The following CNTROB variants were observed in gnomAD, a reference collection of about 807,000 sequenced individuals.
CNTROB encodes the protein centrobin.
CNTROB carries 82 observed loss-of-function variants against 115.7 expected under a neutral mutation model. The ratio of observed to expected loss-of-function variants is 0.71; its 90% confidence interval spans 0.59 to 0.85. The LOEUF is 0.85. Ranked by LOEUF, CNTROB falls within the 40% of genes least tolerant of loss-of-function variation. The pLI is 0.00. For synonymous variants in CNTROB, 439 were observed against 456.4 expected (o/e 0.96, Z 0.49); for missense variants, 1,014 against 1,144.4 (o/e 0.89, Z 1.64).
chr17:7,935,010 G>A lies in CNTROB; in HGVS notation c.459G>A (p.Leu153=). 6.2e-7 allele frequency: 1 copy of A among 1,605,740 alleles called. No individual in the cohort carries two copies. ...TCAGCACCCGGCCCCTGCAAGACTT[G>A]TCTCCATCTAGCTCAGCCCAAGCCC... The part of the protein sequence containing the change: ...TLLNTRPLQD[L]SPSSSAQALE... Residue 153 remains leucine (L), a synonymous_variant, in exon 4 of 19, where the codon TTG becomes TTA. Coordinates refer to ENST00000563694, the MANE Select transcript of CNTROB (RefSeq NM_053051.5).
chr17:7,943,545 G>T lies in CNTROB; in HGVS notation c.1445+21G>T. 6.2e-7 allele frequency: 1 copy of T among 1,602,034 alleles called. No homozygotes were observed. On this transcript the variant is annotated intron_variant, in intron 10 of 18. Coordinates refer to ENST00000563694, the MANE Select transcript of CNTROB (RefSeq NM_053051.5). The surrounding 1 kb of genome is among the most constrained non-coding windows in gnomAD (Gnocchi z 4.7). The stretch of plus-strand genomic sequence containing the variant: ...CACAGGTACGTGGGACTCACTGGGT[G>T]TCACTTCTCTCAGCCACAGCACGTA...
chr17:7,945,717 C>T lies in CNTROB; in HGVS notation c.1735-11C>T, dbSNP rs374416848. On this transcript the variant is annotated splice_polypyrimidine_tract_variant and intron_variant, in intron 12 of 18. Coordinates refer to ENST00000563694, the MANE Select transcript of CNTROB (RefSeq NM_053051.5). ...TGCTTTGACCCTTCTTTCTGCCTCT[C>T]TCCTGGTCAGGCTCCTCCTGCTGGA... 1 of 1,612,704 alleles carries T rather than the reference C, an allele frequency of 6.2e-7. No homozygotes were observed. The highest frequency in any genetic ancestry group is 1.1e-5 in the South Asian group (1 of 91,022).
Position 7,948,729 on chromosome 17 carries a change from G to A in CNTROB, c.2513+110G>A. 1.9e-6 allele frequency: 3 copies of A among 1,608,642 alleles called. No homozygotes were observed. The highest frequency in any genetic ancestry group is 2.6e-6 in the Non-Finnish European group (3 of 1,175,894). ...TGAATCGTTGTCCTTTTCTGGGGAG[G>A]AAAGTGAAGGATGAGAGGTGGATCC... On this transcript the variant is annotated intron_variant, in intron 17 of 18. Transcript: ENST00000563694. The surrounding 1 kb of genome is among the most constrained non-coding windows in gnomAD (Gnocchi z 4.4).
rs753613469 is a variant in CNTROB, at chr17:7,945,857, G to A, written c.1864G>A (p.Glu622Lys). 23 of 1,614,042 alleles carry A rather than the reference G, an allele frequency of 1.4e-5. No individual in the cohort carries two copies. In the East Asian group the frequency reaches 2.2e-4, roughly 16 times the overall value. ...GCAGCAGAGCCGGGAAGCAAGGGAC[G>A]AGCTACCTGGAGCGCCTCCTGTTCT... ...VLQQSREARD[E>K]LPGAPPVLCS... Residue 622 changes from glutamate (E) to lysine (K), a missense_variant, in exon 13 of 19, where the codon GAG becomes AAG. Transcript: ENST00000563694.
chr17:7,941,646 A>G (rs1276636247), intron 9 of CNTROB, among the ~76,000 whole-genome samples: 1 of 150,754 alleles, frequency 6.6e-6, no homozygotes, highest in Non-Finnish European at 1.5e-5. Context: ...AGGTGTTACA[A>G]TGAGATCACA....
rs766570927 is a variant in CNTROB, at chr17:7,949,086, A to T, written c.2515A>T (p.Thr839Ser). The change falls in exon 18 of 19, where the codon ACT becomes TCT. Residue 839 changes from threonine (T) to serine (S), a missense_variant and splice_region_variant. Transcript: ENST00000563694. ...TCATACCTTTGATTTGTGTAGCAGG[A>T]CTGATGGCCGAGGGGATAATGTCCC... ...LYLKRLEHSG[T>S]DGRGDNVPRR... The T allele has an allele frequency of 1.2e-6, 2 of 1,613,938 alleles. No individual in the cohort carries two copies. Among genetic ancestry groups the T allele is most frequent in the African/African-American group, 1.3e-5 (1 of 74,902 alleles).
At chr17:7,932,187 G>C, upstream of CNTROB, 1 of 308,826 alleles carries the variant, frequency 3.2e-6, no homozygotes, top group Non-Finnish European at 6.2e-6. Flanking sequence ...TCATCGAGGC[G>C]AGAGAGGCGG....
chr17:7,933,216 G>A lies in CNTROB; in HGVS notation c.137G>A (p.Arg46Gln). The A allele has an allele frequency of 1.2e-6, 2 of 1,614,196 alleles. No individual in the cohort carries two copies. The highest frequency in any genetic ancestry group is 2.2e-5 in the East Asian group (1 of 44,874). ...CTCTATGCTTCTTTGCGCCTCAGCC[G>A]GCAGGCGGAGGCCACGGCCCGAGCC... ...SQLYASLRLS[R>Q]QAEATARAQL... The change falls in exon 1 of 19, where the codon CGG (arginine) becomes CAG (glutamine). Residue 46 changes from arginine to glutamine, a missense_variant. By Grantham distance (43) the Arg-to-Gln change is conservative. Coordinates refer to ENST00000563694, the MANE Select transcript of CNTROB (RefSeq NM_053051.5).
Position 7,939,482 on chromosome 17 carries a change from TA to T in CNTROB, c.928-29del. 6.3e-7 allele frequency: 1 copy of T among 1,594,498 alleles called. No individual in the cohort carries two copies. The highest frequency in any genetic ancestry group is 8.6e-7 in the Non-Finnish European group (1 of 1,162,712). ...GATCGCTGGTCTCTGAAGAGCCTACTAAGGAGCTTGGTTTTCTTCTGCGGCT... is the reference window on the plus strand; with the variant it reads ...GATCGCTGGTCTCTGAAGAGCCTACTAGGAGCTTGGTTTTCTTCTGCGGCT... On this transcript the variant is annotated intron_variant, in intron 7 of 18. Coordinates refer to ENST00000563694, the MANE Select transcript of CNTROB (RefSeq NM_053051.5). This position sits in a 1 kb window ranked among gnomAD's most constrained non-coding sequence, Gnocchi z 4.4.
chr17:7,939,666 A>G lies in CNTROB; in HGVS notation c.1081A>G (p.Thr361Ala), dbSNP rs373273360. The G allele has an allele frequency of 3.1e-6, 5 of 1,613,974 alleles. No individual in the cohort carries two copies. The African/African-American group carries it at 6.7e-5, about 22-fold the overall frequency. Residue 361 changes from threonine to alanine, a missense_variant, in exon 8 of 19, where the codon ACC becomes GCC. Transcript: ENST00000563694. This position sits in a 1 kb window ranked among gnomAD's most constrained non-coding sequence, Gnocchi z 4.4. ...LRAALEEERQ[T>A]WAQQEHQLKE... ...GGCTGCCCTAGAAGAAGAACGGCAG[A>G]CCTGGGCCCAGCAAGAGCACCAGCT...
In CNTROB at chr17:7,932,321, TGGA is replaced by T; in HGVS notation, c.-758_-756del. ...CTTTGGCAAATTGGGGACTGAGGACTGGAAGGGTGGAGAGTAGGCGGAACCAGG... is the reference window on the plus strand; with the variant it reads ...CTTTGGCAAATTGGGGACTGAGGACTAGGGTGGAGAGTAGGCGGAACCAGG... On this transcript the variant is annotated 5_prime_UTR_variant, in exon 1 of 19. Coordinates refer to ENST00000563694, the MANE Select transcript of CNTROB (RefSeq NM_053051.5). 5.6e-6 allele frequency: 1 copy of T among 178,558 alleles called. No homozygotes were observed. Among genetic ancestry groups the T allele is most frequent in the Non-Finnish European group, 1.2e-5 (1 of 83,218 alleles). 11.1% of individuals were successfully genotyped at this position (178,558 alleles called of 1,614,324 possible). A position where few individuals can be genotyped will look rare whatever the true frequency, so the allele number is the denominator to read the frequency against.
At chr17:7,940,889 G>T (rs76327145) in intron 9 of CNTROB, among the ~76,000 whole-genome samples, 38 of 152,292 alleles carry the variant, frequency 2.5e-4, no homozygotes, top group Admixed American at 4.6e-4. Flanking sequence ...TAGCTTTGTG[G>T]GTTGTATGGT....
At position 7,933,116 on chromosome 17, in the gene CNTROB, G is replaced by C. The variant is rs749189728; in HGVS notation, c.37G>C (p.Gly13Arg). Residue 13 changes from glycine to arginine, a missense_variant, in exon 1 of 19, where the codon GGG becomes CGG. Physicochemically the swap from Gly to Arg is moderately radical, Grantham distance 125 (BLOSUM62 -2). Transcript: ENST00000563694. ...TSADSPSSPL[G>R]AEDLLSDSSE... ...AGCTGACAGCCCCAGTTCACCCCTC[G>C]GGGCGGAGGATCTCCTGAGTGATTC... 12 of 1,614,152 alleles carry C rather than the reference G, an allele frequency of 7.4e-6. No individual in the cohort carries two copies. The highest frequency in any genetic ancestry group is 1.0e-5 in the Non-Finnish European group (12 of 1,180,028).
Position 7,944,517 on chromosome 17 carries a change from G to A in CNTROB, c.1613G>A (p.Gly538Glu). The change falls in exon 12 of 19, where the codon GGG (glycine) becomes GAG (glutamate). Residue 538 changes from glycine (G) to glutamate (E), a missense_variant. By Grantham distance (98) the Gly-to-Glu change is moderately conservative. Transcript: ENST00000563694. The surrounding 1 kb of genome is among the most constrained non-coding windows in gnomAD (Gnocchi z 4.0). ...EQARVCELQS[G>E]NQQLEEQRVE... is the part of the protein sequence containing the mutation. ...GCGCGAGTGTGCGAACTGCAGAGTG[G>A]GAACCAGCAGCTGGAGGAGCAGCGG... is the stretch of plus-strand genomic sequence containing the variant. 6.2e-7 allele frequency: 1 copy of A among 1,614,116 alleles called. No homozygotes were observed. The highest frequency in any genetic ancestry group is 8.5e-7 in the Non-Finnish European group (1 of 1,180,020).
In CNTROB at chr17:7,947,658, A is replaced by G. The variant is rs139292572; in HGVS notation, c.2081A>G (p.Glu694Gly). The G allele has an allele frequency of 7.3e-4, 1,177 of 1,613,894 alleles. 3 individuals carry two copies. The highest frequency in any genetic ancestry group is 5.9e-3 in the Middle Eastern group (36 of 6,062). ...FPEEDPGPDG[E>G]GLLKQGLPPA... ...GAGGAAGATCCTGGACCTGACGGGG[A>G]GGGCCTCCTAAAGCAAGGGCTGCCG... The change falls in exon 14 of 19, where the codon GAG (glutamate) becomes GGG (glycine). Residue 694 changes from glutamate (E) to glycine (G), a missense_variant. Physicochemically the swap from Glu to Gly is moderately conservative, Grantham distance 98. Coordinates refer to ENST00000563694, the MANE Select transcript of CNTROB (RefSeq NM_053051.5).
chr17:7,945,570 C>A, intron 12 of CNTROB, 158 bp from the exon 13 acceptor site: 1 of 760,508 alleles, frequency 1.3e-6, no homozygotes, highest in Non-Finnish European at 2.1e-6. Flanking sequence ...AAGCCTGGTT[C>A]AAACTGCCAG....
intron 9 of CNTROB, among the ~76,000 whole-genome samples, chr17:7,941,529 G>T (rs1158318464): frequency 6.6e-6 from 1 of 150,748 alleles, no homozygotes; most frequent in Non-Finnish European, 1.5e-5. Context: ...AACCCGGGAG[G>T]TGGAGGTTGC....
rs377541954 is a variant in CNTROB, at chr17:7,948,028, G to C, written c.2209+49G>C. 2 of 1,599,486 alleles carry C rather than the reference G, an allele frequency of 1.3e-6. No homozygotes were observed. Among genetic ancestry groups the C allele is most frequent in the East Asian group, 2.2e-5 (1 of 44,808 alleles). On this transcript the variant is annotated intron_variant, in intron 15 of 18. Coordinates refer to ENST00000563694, the MANE Select transcript of CNTROB (RefSeq NM_053051.5). This position sits in a 1 kb window ranked among gnomAD's most constrained non-coding sequence, Gnocchi z 4.4. Reference sequence around the variant, plus strand: ...TTGGGGCTGGGGCCTAGGAAAGATCGGAGTTGGTTATCTAGGATGAATTTT... The same window carrying C: ...TTGGGGCTGGGGCCTAGGAAAGATCCGAGTTGGTTATCTAGGATGAATTTT...
rs777836468 is a variant in CNTROB, at chr17:7,948,371, C to T, written c.2380+44C>T. On this transcript the variant is annotated intron_variant, in intron 16 of 18. Transcript: ENST00000563694. The surrounding 1 kb of genome is among the most constrained non-coding windows in gnomAD (Gnocchi z 4.4). ...ATTAGGGAAAAAAGGAGGGACAGTC[C>T]TGAGTGTGGATCCAGTACAGGCACT... 4.3e-6 allele frequency: 7 copies of T among 1,611,346 alleles called. No homozygotes were observed. Among genetic ancestry groups the T allele is most frequent in the Non-Finnish European group, 5.9e-6 (7 of 1,177,670 alleles).
Sources: gnomAD v4.1 joint callset for allele counts (sites outside exome capture counted in the v4.1 genomes callset) on GRCh38, gnomAD v4.1.1 for gene constraint, Gnocchi (gnomAD v3.1) non-coding constraint, MANE v1.5 for transcripts, NCBI Gene and HGNC (gene_info 2026-07-23, HGNC 2026-07-21) for gene names.